The following RSU1 variants were observed in gnomAD, a reference collection of about 807,000 sequenced individuals.
RSU1 encodes the protein rsu-1.
Under a neutral mutation model 31.1 loss-of-function variants are expected in RSU1, and 26 were observed. The ratio of observed to expected loss-of-function variants is 0.84; its 90% CI spans 0.61 to 1.16. The LOEUF is 1.16. RSU1 is among the 50% of genes most tolerant of loss of function. The pLI is 0.00. For missense variants in RSU1, 320 were observed against 339.1 expected, an observed-to-expected ratio of 0.94 and a Z score of 0.44; for synonymous variants, 164 against 136.3, an observed-to-expected ratio of 1.20 and a Z score of -1.41.
chr10:16,779,131 T>C (rs188793875), intron 3 of RSU1, among the ~76,000 whole-genome samples: 8 of 152,292 alleles, frequency 5.3e-5, no homozygotes, highest in Admixed American at 3.3e-4. Context: ...GGAAAGTTGC[T>C]ACAGACAGAT....
chr10:16,782,037 T>A lies in RSU1; in HGVS notation c.157A>T (p.Thr53Ser). ...ACAAATGAGAAACATCACTTACTTG[T>A]TAGCTTGTTATGGCTGAGGACCAGT... ...TQLVLSHNKL[T>S]MVPPNIAELK... Residue 53 changes from threonine to serine, a missense_variant, in exon 3 of 9, where the codon ACA becomes TCA. Transcript: ENST00000345264. 6.2e-7 allele frequency: 1 copy of A among 1,613,262 alleles called. No homozygotes were observed. Among genetic ancestry groups the A allele is most frequent in the Non-Finnish European group, 8.5e-7 (1 of 1,179,592 alleles).
intron 2 of RSU1, among the ~76,000 whole-genome samples, chr10:16,790,205 T>C (rs565108962): frequency 3.9e-5 from 6 of 152,170 alleles, no homozygotes; most frequent in African/African-American, 1.2e-4. Context: ...CAGGCACTTA[T>C]TGACTGGATA....
At chr10:16,717,549 T>C (rs1588489980) in intron 7 of RSU1, among the ~76,000 whole-genome samples, 2 of 152,314 alleles carry the variant, frequency 1.3e-5, no homozygotes, top group African/African-American at 4.8e-5. Context: ...ATTATTTCCA[T>C]ATAACCATGT....
Position 16,695,124 on chromosome 10 carries a change from T to G in RSU1, c.630A>C (p.Val210=), listed in dbSNP as rs1835646423. Residue 210 remains valine, a synonymous_variant, in exon 8 of 9, where the codon GTA becomes GTC. Transcript: ENST00000345264. ...GNLDLTGQKQ[V]FKAENNPWVT... ...CCCAGGGATTGTTCTCTGCTTTGAA[T>G]ACCTGCTTCTGGCCAGTTAAATCCA... 6.7e-7 allele frequency: 1 copy of G among 1,492,120 alleles called. No homozygotes were observed. The highest frequency in any genetic ancestry group is 1.5e-5 in the African/African-American group (1 of 67,904). The allele number at this position is 1,492,120 out of a possible 1,614,324, so 92.4% of individuals were successfully genotyped here.
chr10:16,629,819 C>A (rs569687205), intron 8 of RSU1, among the ~76,000 whole-genome samples: 9 of 152,182 alleles, frequency 5.9e-5, no homozygotes, highest in Admixed American at 3.3e-4. Context: ...CACTGACCTG[C>A]TGCATCCACA....
At chr10:16,774,937 T>C (rs1207111246) in intron 3 of RSU1, among the ~76,000 whole-genome samples, 2 of 151,978 alleles carry the variant, frequency 1.3e-5, no homozygotes, top group East Asian at 3.9e-4. Flanking sequence ...GGCGTGGTGG[T>C]GCACATCTAT....
chr10:16,677,566 T>A lies in RSU1; in HGVS notation c.731+17457A>T, dbSNP rs148006844. On this transcript the variant is annotated intron_variant, in intron 8 of 8. Transcript: ENST00000345264. ...CCCAAGTCGTCTTGTATCATGCATGTGTACAGTGGCCTGCAAGGAGCTGTT... is the reference window on the plus strand; with the variant it reads ...CCCAAGTCGTCTTGTATCATGCATGAGTACAGTGGCCTGCAAGGAGCTGTT... 4.8e-4 allele frequency among the ~76,000 whole-genome samples: 73 copies of A among 152,306 alleles called. 1 individual carries two copies. In the East Asian group the frequency reaches 9.1e-3, roughly 19 times the overall value.
intron 4 of RSU1, among the ~76,000 whole-genome samples, chr10:16,761,544 A>G (rs370455558): frequency 2.0e-5 from 3 of 152,270 alleles, no homozygotes; most frequent in African/African-American, 7.2e-5. Flanking sequence ...CCAGGCAGGC[A>G]GTGCTGTGAG....
At position 16,610,138 on chromosome 10, in the gene RSU1, A is replaced by G. The variant is rs562386953; in HGVS notation, c.732-16642T>C. Among the ~76,000 whole-genome samples, 3 of 152,342 alleles carry G rather than the reference A, an allele frequency of 2.0e-5. No homozygotes were observed. In the South Asian group the frequency reaches 6.2e-4, roughly 32 times the overall value. On this transcript the variant is annotated intron_variant, in intron 8 of 8. Coordinates refer to ENST00000345264, the MANE Select transcript of RSU1 (RefSeq NM_012425.4). ...TGATGAATAATTTAGTAAATTTATT[A>G]CATAAATTTAATGATTTTTTGAGTA... is the stretch of plus-strand genomic sequence containing the variant.
At chr10:16,788,655 A>T (rs577035682) in intron 2 of RSU1, among the ~76,000 whole-genome samples, 4 of 152,216 alleles carry the variant, frequency 2.6e-5, no homozygotes, top group Non-Finnish European at 5.9e-5. Flanking sequence ...GCCAGAGCTG[A>T]CTAAAACACA....
chr10:16,627,935 A>G (rs1834186258), intron 8 of RSU1, among the ~76,000 whole-genome samples: 1 of 152,018 alleles, frequency 6.6e-6, no homozygotes, highest in Non-Finnish European at 1.5e-5. Flanking sequence ...TAGAAAATGA[A>G]ATTTACTTTC....
chr10:16,708,723 C>T (rs1835956708), intron 7 of RSU1, among the ~76,000 whole-genome samples: 1 of 151,902 alleles, frequency 6.6e-6, no homozygotes. Context: ...GACAAAGTAG[C>T]TTGCCATTTA....
At chr10:16,792,633 G>T (rs924577135) in intron 2 of RSU1, among the ~76,000 whole-genome samples, 2 of 152,168 alleles carry the variant, frequency 1.3e-5, no homozygotes, top group Admixed American at 6.5e-5. Context: ...AGCACTGCAG[G>T]CTGCACTATT....
intron 8 of RSU1, among the ~76,000 whole-genome samples, chr10:16,610,259 T>C (rs1207968894): frequency 6.6e-6 from 1 of 152,208 alleles, no homozygotes; most frequent in Non-Finnish European, 1.5e-5. Context: ...CTATAGTTGG[T>C]GGCTATGCTA....
intron 8 of RSU1, among the ~76,000 whole-genome samples, chr10:16,606,203 C>T (rs978006715): frequency 1.3e-5 from 2 of 152,124 alleles, no homozygotes; most frequent in Admixed American, 1.3e-4. Flanking sequence ...CTTTAAGATA[C>T]AAAGGACTTT....
At chr10:16,787,072 C>T (rs968966565) in intron 2 of RSU1, among the ~76,000 whole-genome samples, 2 of 152,138 alleles carry the variant, frequency 1.3e-5, no homozygotes, top group African/African-American at 2.4e-5. Flanking sequence ...CTTGATGTTT[C>T]TGCCCAGGCT....
intron 7 of RSU1, among the ~76,000 whole-genome samples, chr10:16,708,820 T>C (rs1394610401): frequency 6.6e-6 from 1 of 151,986 alleles, no homozygotes; most frequent in African/African-American, 2.4e-5. Context: ...ATTATCTTTT[T>C]TTTTTTAAGC....
At chr10:16,717,912 T>TAC (rs1318247158) in intron 7 of RSU1, among the ~76,000 whole-genome samples, 1 of 152,086 alleles carries the variant, frequency 6.6e-6, no homozygotes, top group Admixed American at 6.5e-5. Context: ...TGAGGATGAT[T>TAC]ACATCATGCA....
At chr10:16,616,857 G>A (rs1455273911) in intron 8 of RSU1, among the ~76,000 whole-genome samples, 1 of 152,136 alleles carries the variant, frequency 6.6e-6, no homozygotes, top group African/African-American at 2.4e-5. Context: ...GGTATTAATA[G>A]CACATATCTC....
Sources: allele counts gnomAD v4.1 joint callset (sites outside exome capture counted in the v4.1 genomes callset), GRCh38; gene constraint gnomAD v4.1.1; transcripts MANE v1.5; gene names NCBI Gene and HGNC (gene_info 2026-07-23, HGNC 2026-07-21).